DAAM2: variants seen among roughly 807,000 people sequenced by gnomAD.
DAAM2 encodes dishevelled associated activator of morphogenesis 2.
A neutral mutation model predicts 120.7 loss-of-function variants in DAAM2; 39 were observed. The observed-to-expected ratio is 0.32, with a 90% confidence interval of 0.25 to 0.42. The LOEUF is 0.42. Among genes scored for constraint, DAAM2 ranks in the 10% least tolerant of loss-of-function variants. DAAM2 has a pLI of 1.00. For synonymous variants in DAAM2, 488 were observed against 524.9 expected, an observed-to-expected ratio of 0.93 and a Z score of 0.96; for missense variants, 1,283 against 1,401.7, an observed-to-expected ratio of 0.92 and a Z score of 1.35.
chr6:39,856,962 A>C (rs1764032491), intron 2 of DAAM2, among the ~76,000 whole-genome samples: 2 of 152,162 alleles, frequency 1.3e-5, no homozygotes, highest in African/African-American at 4.8e-5. Flanking sequence ...TGCCTATGTC[A>C]TGCCTGGGGT....
Sources: allele counts gnomAD v4.1 joint callset (sites outside exome capture counted in the v4.1 genomes callset), GRCh38; gene constraint gnomAD v4.1.1; transcripts MANE v1.5; gene names NCBI Gene and HGNC (gene_info 2026-07-23, HGNC 2026-07-21).